The following C13orf42 variants were observed in gnomAD, a reference collection of about 807,000 sequenced individuals.
C13orf42 encodes the protein uncharacterized protein C13orf42.
At chr13:51,151,753 T>C (rs1953779841) in intron 1 of C13orf42, among the ~76,000 whole-genome samples, 1 of 152,226 alleles carries the variant, frequency 6.6e-6, no homozygotes, top group Admixed American at 6.5e-5. Flanking sequence ...TGCTCCCCTT[T>C]GCCTGGGGGA....
chr13:51,124,639 A>T (rs4941684), intron 1 of C13orf42, among the ~76,000 whole-genome samples: 48,578 of 152,078 alleles, frequency 0.32, 8,198 homozygotes, highest in Middle Eastern at 0.41. Context: ...TCCTCAGGTC[A>T]TGGGGGCCAC....
chr13:51,086,513 A>G (rs908670502), intron 2 of C13orf42, among the ~76,000 whole-genome samples: 1 of 150,434 alleles, frequency 6.6e-6, no homozygotes, highest in Non-Finnish European at 1.5e-5. Context: ...TGAGAGAGAG[A>G]GTGTGTGTGT....
chr13:51,145,872 T>C (rs1189073868), intron 1 of C13orf42, among the ~76,000 whole-genome samples: 1 of 152,210 alleles, frequency 6.6e-6, no homozygotes, highest in Non-Finnish European at 1.5e-5. Context: ...TCTCCTTCAA[T>C]GCATAAAACC....
chr13:51,153,816 T>C (rs539546083), intron 1 of C13orf42, among the ~76,000 whole-genome samples: 2 of 152,014 alleles, frequency 1.3e-5, no homozygotes, highest in African/African-American at 4.8e-5. Flanking sequence ...GTATGTTTAG[T>C]AGAGAAAGGA....
rs1376063163 is a variant in C13orf42, at chr13:51,082,213, C to T, written c.*1938G>A. The T allele has an allele frequency of 2.0e-5, 3 of 152,202 alleles. No individual in the cohort carries two copies. Among genetic ancestry groups the T allele is most frequent in the Non-Finnish European group, 4.4e-5 (3 of 68,040 alleles). The allele number at this position is 152,202 out of a possible 1,614,324, so 9.4% of individuals were successfully genotyped here. ...AGATTCCCCAGGCAGAGCACAGATC[C>T]TTGGGTTTATCACCAACTTCAAACA... On this transcript the variant is annotated 3_prime_UTR_variant, in exon 4 of 4. Transcript: ENST00000563710.
At chr13:51,138,332 T>G (rs1953672372) in intron 1 of C13orf42, among the ~76,000 whole-genome samples, 1 of 152,186 alleles carries the variant, frequency 6.6e-6, no homozygotes, top group African/African-American at 2.4e-5. Context: ...GCGTGTAGGT[T>G]AAAATCTTTC....
chr13:51,123,578 G>A (rs1008380801), intron 1 of C13orf42, among the ~76,000 whole-genome samples: 8 of 152,152 alleles, frequency 5.3e-5, no homozygotes, highest in East Asian at 3.9e-4. Flanking sequence ...GCATCATCAC[G>A]GTTTGTGTAT....
rs909477989 is a variant in C13orf42, at chr13:51,153,468, T to C, written n.136+18785A>G. Among the ~76,000 whole-genome samples, 29 of 151,706 alleles carry C rather than the reference T, an allele frequency of 1.9e-4. No individual in the cohort carries two copies. In the East Asian group the frequency reaches 5.1e-3, roughly 26 times the overall value. On this transcript the variant is annotated intron_variant and non_coding_transcript_variant, in intron 1 of 4. Coordinates refer to the C13orf42 transcript ENST00000433280. Reference sequence around the variant, plus strand: ...ACAGAGAGAGAGAGAGAGACAGAGATAGAGACTGTGAGAGAGAAAGCTTTT... The same window carrying C: ...ACAGAGAGAGAGAGAGAGACAGAGACAGAGACTGTGAGAGAGAAAGCTTTT...
intron 1 of C13orf42, among the ~76,000 whole-genome samples, chr13:51,093,560 C>T (rs1257924368): frequency 1.3e-5 from 2 of 152,130 alleles, no homozygotes; most frequent in Non-Finnish European, 2.9e-5. Flanking sequence ...TAATTCAATT[C>T]AGATTTAATT....
At chr13:51,085,124 G>C (rs1170525233) in intron 3 of C13orf42, among the ~76,000 whole-genome samples, 195 bp downstream of exon 3, 1 of 151,484 alleles carries the variant, frequency 6.6e-6, no homozygotes, top group Non-Finnish European at 1.5e-5. Context: ...CACCAGGCTA[G>C]AGTGCAGACT....
At chr13:51,105,251 C>T (rs1165070073) in intron 1 of C13orf42, among the ~76,000 whole-genome samples, 2 of 152,132 alleles carry the variant, frequency 1.3e-5, no homozygotes, top group African/African-American at 4.8e-5. Flanking sequence ...AGTTCAGGAC[C>T]ACACCCTGTG....
intron 1 of C13orf42, among the ~76,000 whole-genome samples, chr13:51,134,491 CTAAATCCTT>C (rs1345277082): frequency 6.6e-6 from 1 of 152,184 alleles, no homozygotes; most frequent in African/African-American, 2.4e-5. Flanking sequence ...CCTACAAACT[CTAAATCCTT>C]TGGGATTTAT....
At chr13:51,101,922 G>A (rs1490038100) in intron 1 of C13orf42, among the ~76,000 whole-genome samples, 2 of 152,188 alleles carry the variant, frequency 1.3e-5, no homozygotes, top group African/African-American at 4.8e-5. Flanking sequence ...AAAAAGGGAG[G>A]AGGAAGTATT....
intron 1 of C13orf42, among the ~76,000 whole-genome samples, chr13:51,136,821 T>C (rs1161452443): frequency 6.6e-6 from 1 of 152,154 alleles, no homozygotes; most frequent in African/African-American, 2.4e-5. Context: ...CATTCACGCA[T>C]TGGGTCATTC....
chr13:51,140,390 C>T (rs1953687316), intron 1 of C13orf42, among the ~76,000 whole-genome samples: 1 of 152,180 alleles, frequency 6.6e-6, no homozygotes, highest in South Asian at 2.1e-4. Context: ...AGCACGTCCT[C>T]AACCTTGGCA....
In C13orf42 at chr13:51,149,833, G is replaced by A. The variant is rs527954078; in HGVS notation, n.136+22420C>T. ...CCTCTGTAGGAAGGCTTTCTCTGAC[G>A]TTTTTAGGCAGAGTTGAGATGGTGC... On this transcript the variant is annotated intron_variant and non_coding_transcript_variant, in intron 1 of 4. Transcript: ENST00000433280. Among the ~76,000 whole-genome samples the A allele has an allele frequency of 3.9e-5, 6 of 152,238 alleles. No homozygotes were observed. In the South Asian group the frequency reaches 8.3e-4, roughly 21 times the overall value.
intron 1 of C13orf42, among the ~76,000 whole-genome samples, chr13:51,171,660 G>C (rs11619851): frequency 0.017 from 2,635 of 151,916 alleles, 70 homozygotes; most frequent in African/African-American, 0.055. Context: ...AGTTTCGTTC[G>C]GTGACTAGCC....
intron 1 of C13orf42, among the ~76,000 whole-genome samples, chr13:51,127,084 T>G (rs761938571): frequency 6.6e-6 from 1 of 152,062 alleles, no homozygotes; most frequent in Admixed American, 6.5e-5. Context: ...GGAGGATTAC[T>G]TGAGCCAGGG....
intron 1 of C13orf42, among the ~76,000 whole-genome samples, chr13:51,121,171 C>T (rs370755203): frequency 1.3e-5 from 2 of 152,054 alleles, no homozygotes; most frequent in African/African-American, 4.8e-5. Context: ...CAGAAGGGCG[C>T]GCAGCTGTCC....
Sources: gnomAD v4.1 joint callset for allele counts (sites outside exome capture counted in the v4.1 genomes callset) on GRCh38, gnomAD v4.1.1 for gene constraint, MANE v1.5 for transcripts, NCBI Gene and HGNC (gene_info 2026-07-23, HGNC 2026-07-21) for gene names.